Variants in KRT8 observed in about 807,000 individuals in gnomAD.
The protein encoded by KRT8 is keratin, type II cytoskeletal 8.
In KRT8, 24 loss-of-function variants were observed where a neutral mutation model predicts 43.0. That is an observed-to-expected ratio of 0.56 (90% confidence interval 0.40 to 0.78). KRT8 has a LOEUF of 0.78. Ranked by LOEUF, KRT8 falls within the 30% of genes least tolerant of loss-of-function variation. KRT8 has a pLI of 0.00. For missense variants in KRT8, 492 were observed against 638.4 expected (o/e 0.77, Z 2.47); for synonymous variants, 214 against 261.2 (o/e 0.82, Z 1.74).
chr12:52,923,504 C>T (rs1202544378), intron 2 of KRT8, among the ~76,000 whole-genome samples: 1 of 152,192 alleles, frequency 6.6e-6, no homozygotes, highest in Non-Finnish European at 1.5e-5. Flanking sequence ...ACTGCAAGCT[C>T]TGCCTCCTGG....
At chr12:52,948,825 C>G (rs1012004485) in intron 2 of KRT8, 4 of 411,094 alleles carry the variant, frequency 9.7e-6, no homozygotes, top group African/African-American at 6.2e-5. Context: ...AGCACCTCCT[C>G]CACCTGGGGG....
intron 2 of KRT8, among the ~76,000 whole-genome samples, chr12:52,916,155 G>A (rs1291043618): frequency 6.6e-6 from 1 of 152,184 alleles, no homozygotes; most frequent in Non-Finnish European, 1.5e-5. Flanking sequence ...TTTTCTGCAG[G>A]CTGCAGGAAG....
rs367914907 is a variant in KRT8 at position 52,899,766 on chromosome 12, G to A, written c.981+9C>T. The A allele has an allele frequency of 4.8e-5, 46 of 958,490 alleles. No homozygotes were observed. The highest frequency in any genetic ancestry group is 7.5e-5 in the Admixed American group (4 of 53,230). 59.4% of individuals were successfully genotyped at this position (958,490 alleles called of 1,614,324 possible). ...AAGGAACCCCTCCCACCCCCAACCC[G>A]GCCCATACCTGGCCTTTGAGGCCCT... On this transcript the variant is annotated intron_variant, in intron 5 of 7. Transcript: ENST00000692008.
At chr12:52,911,983 C>G (rs916012623), upstream of KRT8, among the ~76,000 whole-genome samples, 1 of 152,062 alleles carries the variant, frequency 6.6e-6, no homozygotes, top group Non-Finnish European at 1.5e-5. Context: ...GAGCTGAGAT[C>G]GTGCCACTGC....
intron 2 of KRT8, among the ~76,000 whole-genome samples, chr12:52,925,096 T>C (rs1365129646): frequency 6.6e-6 from 1 of 152,076 alleles, no homozygotes; most frequent in Non-Finnish European, 1.5e-5. Context: ...AAGGCCGGGA[T>C]GATTGAGGGG....
intron 2 of KRT8, among the ~76,000 whole-genome samples, chr12:52,913,266 T>TGATTTCAA (rs1941671040): frequency 2.0e-5 from 3 of 152,102 alleles, no homozygotes; most frequent in African/African-American, 7.2e-5. Context: ...GACTCCAACC[T>TGATTTCAA]TGGTGAAATC....
rs111570789 is a variant in KRT8 at position 52,899,765 on chromosome 12, C to G, written c.981+10G>C. On this transcript the variant is annotated intron_variant, in intron 5 of 7. Transcript: ENST00000692008. ...CAAGGAACCCCTCCCACCCCCAACC[C>G]GGCCCATACCTGGCCTTTGAGGCCC... 538 of 1,610,774 alleles carry G rather than the reference C, an allele frequency of 3.3e-4. No individual in the cohort carries two copies. In the African/African-American group the frequency reaches 6.2e-3, roughly 19 times the overall value.
intron 2 of KRT8, among the ~76,000 whole-genome samples, chr12:52,915,351 G>T (rs1941715144): frequency 6.7e-6 from 1 of 148,594 alleles, no homozygotes; most frequent in South Asian, 2.1e-4. Flanking sequence ...TCCAGCTTGG[G>T]CAACAGAGCA....
At chr12:52,939,060 G>T (rs2120725467) in intron 2 of KRT8, among the ~76,000 whole-genome samples, 1 of 152,030 alleles carries the variant, frequency 6.6e-6, no homozygotes, top group East Asian at 1.9e-4. Context: ...ACTCCAACCT[G>T]GGTGACAGAG....
chr12:52,924,742 C>G (rs1034489559), intron 2 of KRT8, among the ~76,000 whole-genome samples: 5 of 152,198 alleles, frequency 3.3e-5, no homozygotes, highest in Non-Finnish European at 7.3e-5. Context: ...ACCATGCACT[C>G]TTCTCTAAGA....
intron 2 of KRT8, among the ~76,000 whole-genome samples, chr12:52,934,707 G>T (rs865898796): frequency 6.6e-6 from 1 of 152,114 alleles, no homozygotes; most frequent in African/African-American, 2.4e-5. Context: ...GGTGGCTCAC[G>T]CCTGTAATCC....
At chr12:52,926,610 T>C in intron 2 of KRT8, 2 of 643,578 alleles carry the variant, frequency 3.1e-6, no homozygotes, top group African/African-American at 1.8e-5. Context: ...ATGTCTGAGC[T>C]CCCCTCCCTG....
chr12:52,918,217 G>C (rs201123247), intron 2 of KRT8, among the ~76,000 whole-genome samples: 2 of 148,932 alleles, frequency 1.3e-5, no homozygotes, highest in African/African-American at 4.9e-5. Context: ...AGAAGAAGAA[G>C]AAGAAGAAGA....
chr12:52,926,313 T>TC, intron 2 of KRT8: 1 of 1,050,204 alleles, frequency 9.5e-7, no homozygotes, highest in Admixed American at 2.1e-5. Context: ...GGCTTAGCCT[T>TC]CCCCACCTGG....
intron 2 of KRT8, among the ~76,000 whole-genome samples, chr12:52,918,047 G>GAAGAAC (rs1941783592): frequency 6.9e-6 from 1 of 143,920 alleles, no homozygotes; most frequent in Non-Finnish European, 1.5e-5. Flanking sequence ...AGAAGAAGAA[G>GAAGAAC]AAGAGGAAGA....
chr12:52,901,775 C>T, intron 2 of KRT8, 89 bp downstream of exon 2: 1 of 915,796 alleles, frequency 1.1e-6, no homozygotes, highest in Non-Finnish European at 1.8e-6. Flanking sequence ...CTTCCCACAA[C>T]AGAGGGCCAT....
At chr12:52,932,792 G>T (rs919517720) in intron 2 of KRT8, among the ~76,000 whole-genome samples, 1 of 151,670 alleles carries the variant, frequency 6.6e-6, no homozygotes, top group African/African-American at 2.4e-5. Flanking sequence ...GCAGAATGAG[G>T]CTGTGTCTAT....
intron 2 of KRT8, among the ~76,000 whole-genome samples, chr12:52,920,109 T>C (rs1010198474): frequency 6.6e-6 from 1 of 152,216 alleles, no homozygotes; most frequent in Non-Finnish European, 1.5e-5. Flanking sequence ...AATTATGCTG[T>C]TTTATAGTCA....
intron 2 of KRT8, among the ~76,000 whole-genome samples, chr12:52,938,897 G>A (rs1055013095): frequency 2.6e-5 from 4 of 152,028 alleles, no homozygotes; most frequent in Admixed American, 2.6e-4. Flanking sequence ...GCTTACAGGC[G>A]TGAGCCACCG....
Sources: allele counts gnomAD v4.1 joint callset (sites outside exome capture counted in the v4.1 genomes callset), GRCh38; gene constraint gnomAD v4.1.1; transcripts MANE v1.5; gene names NCBI Gene and HGNC (gene_info 2026-07-23, HGNC 2026-07-21).